The following GSTCD variants were observed in gnomAD, a reference collection of about 807,000 sequenced individuals.
GSTCD encodes the protein glutathione S-transferase C-terminal domain-containing protein.
In GSTCD, 44 loss-of-function variants were observed where a neutral mutation model predicts 68.3. That is an observed-to-expected ratio of 0.64 (90% CI 0.51 to 0.83). GSTCD has a LOEUF of 0.83. Among genes scored for constraint, GSTCD ranks in the 40% least tolerant of loss-of-function variants. The probability of loss-of-function intolerance (pLI) is 0.00; values close to 1 mark genes in which losing one functional copy is unlikely to be tolerated. For synonymous variants in GSTCD, 273 were observed against 255.2 expected, an observed-to-expected ratio of 1.07 and a Z score of -0.67; for missense variants, 739 against 735.9, an observed-to-expected ratio of 1.00 and a Z score of -0.05.
chr4:105,791,737 C>G (rs894409591), intron 5 of GSTCD, among the ~76,000 whole-genome samples: 1 of 152,022 alleles, frequency 6.6e-6, no homozygotes, highest in Non-Finnish European at 1.5e-5. Flanking sequence ...TAAAACAGTT[C>G]CTAAAACACA....
intron 3 of GSTCD, among the ~76,000 whole-genome samples, chr4:105,719,955 A>C (rs1578407597): frequency 6.6e-6 from 1 of 152,166 alleles, no homozygotes; most frequent in East Asian, 1.9e-4. Flanking sequence ...AAAAAAAAAA[A>C]CTAAAAATCT....
At chr4:105,724,175 T>C (rs1732957630) in intron 3 of GSTCD, among the ~76,000 whole-genome samples, 1 of 151,846 alleles carries the variant, frequency 6.6e-6, no homozygotes, top group Non-Finnish European at 1.5e-5. Flanking sequence ...CTGTTCATAA[T>C]CATAAGTCAT....
chr4:105,801,000 C>T (rs1385469333), intron 5 of GSTCD, among the ~76,000 whole-genome samples: 1 of 152,038 alleles, frequency 6.6e-6, no homozygotes, highest in Non-Finnish European at 1.5e-5. Flanking sequence ...ACATCACAGC[C>T]TTCTTGTACT....
At chr4:105,832,217 A>G (rs1268834551) in intron 8 of GSTCD, among the ~76,000 whole-genome samples, 1 of 152,164 alleles carries the variant, frequency 6.6e-6, no homozygotes, top group African/African-American at 2.4e-5. Context: ...CTGGTTTGAA[A>G]TACCACCTTT....
At chr4:105,820,164 A>C (rs1723216633) in intron 5 of GSTCD, among the ~76,000 whole-genome samples, 1 of 151,562 alleles carries the variant, frequency 6.6e-6, no homozygotes, top group African/African-American at 2.4e-5. Context: ...GCTTTGGATG[A>C]ACCAAAAATG....
chr4:105,709,782 T>G (rs1199558545), intron 1 of GSTCD, among the ~76,000 whole-genome samples: 2 of 152,164 alleles, frequency 1.3e-5, no homozygotes, highest in Non-Finnish European at 2.9e-5. Context: ...GGTGGTGTAT[T>G]TCTATTTTAC....
intron 5 of GSTCD, among the ~76,000 whole-genome samples, chr4:105,759,813 T>G (rs1305336896): frequency 6.6e-6 from 1 of 152,166 alleles, no homozygotes; most frequent in African/African-American, 2.4e-5. Flanking sequence ...CCATGTGGAC[T>G]TAAACAAAAA....
Position 105,710,232 on chromosome 4 carries a change from A to ATTTTTTTTTTTTT in GSTCD, c.-22+1227_-22+1239dup, listed in dbSNP as rs761574598. Reference sequence around the variant, plus strand: ...AGCTTCTGTAGTAGTGGGCCCATCAATTTTTTTTTTTTTTTTTTTTTTTGA... The same window carrying ATTTTTTTTTTTTT: ...AGCTTCTGTAGTAGTGGGCCCATCAATTTTTTTTTTTTTTTTTTTTTTTTTTTTTTTTTTTTGA... On this transcript the variant is annotated intron_variant, in intron 1 of 11. Transcript: ENST00000515279. Among the ~76,000 whole-genome samples, 6 of 85,724 alleles carry ATTTTTTTTTTTTT rather than the reference A, an allele frequency of 7.0e-5. 1 individual carries two copies. The highest frequency in any genetic ancestry group is 1.7e-4 in the African/African-American group (3 of 17,836). 56.2% of individuals were successfully genotyped at this position (85,724 alleles called of 152,430 possible). A position where few individuals can be genotyped will look rare whatever the true frequency, so the allele number is the denominator to read the frequency against.
chr4:105,811,389 G>A (rs1434873797), intron 5 of GSTCD, among the ~76,000 whole-genome samples: 1 of 151,930 alleles, frequency 6.6e-6, no homozygotes, highest in African/African-American at 2.4e-5. Flanking sequence ...TGGCGTGTTT[G>A]AAGAATAACT....
At chr4:105,755,973 C>G (rs1197658753) in intron 5 of GSTCD, among the ~76,000 whole-genome samples, 1 of 150,108 alleles carries the variant, frequency 6.7e-6, no homozygotes, top group East Asian at 1.9e-4. Flanking sequence ...GCCATGGTTC[C>G]CATGACACCC....
At chr4:105,807,378 G>A (rs1722560225) in intron 5 of GSTCD, 1 of 151,974 alleles carries the variant, frequency 6.6e-6, no homozygotes, top group Admixed American at 6.6e-5. Context: ...TACACTGCCT[G>A]TATTGAAATT....
chr4:105,812,961 G>A (rs1722813929), intron 5 of GSTCD, among the ~76,000 whole-genome samples: 1 of 152,024 alleles, frequency 6.6e-6, no homozygotes, highest in Non-Finnish European at 1.5e-5. Context: ...CAGAGAAATT[G>A]TTAGTACTAT....
intron 5 of GSTCD, among the ~76,000 whole-genome samples, chr4:105,741,233 G>A (rs886803808): frequency 3.9e-5 from 6 of 151,954 alleles, no homozygotes; most frequent in African/African-American, 1.5e-4. Context: ...AATTCTCTCA[G>A]TATGGAAGAA....
chr4:105,834,951 T>G (rs1724053482), intron 9 of GSTCD, among the ~76,000 whole-genome samples: 1 of 152,178 alleles, frequency 6.6e-6, no homozygotes, highest in African/African-American at 2.4e-5. Context: ...GACCTGGAAG[T>G]ATAGTGCCTG....
intron 5 of GSTCD, among the ~76,000 whole-genome samples, chr4:105,737,187 C>T (rs1473809070): frequency 6.6e-6 from 1 of 152,150 alleles, no homozygotes; most frequent in African/African-American, 2.4e-5. Context: ...AATGGCTGTA[C>T]TAGTTTACAT....
chr4:105,790,430 G>A (rs1276704704), intron 5 of GSTCD, among the ~76,000 whole-genome samples: 1 of 152,008 alleles, frequency 6.6e-6, no homozygotes, highest in Non-Finnish European at 1.5e-5. Context: ...CTTGAGGCCA[G>A]GAGTTCAAGA....
chr4:105,822,955 T>C lies in GSTCD; in HGVS notation c.1242T>C (p.Gly414=). 6.2e-7 allele frequency: 1 copy of C among 1,608,768 alleles called. No homozygotes were observed. The highest frequency in any genetic ancestry group is 8.5e-7 in the Non-Finnish European group (1 of 1,176,550). ...VLPAAVSPKE[G]KMSSDRALRK... ...TTCTTCATTTCTTGTCTTTCTCAGGTAAAATGTCCAGTGATCGAGCTTTGA... is the reference window on the plus strand; with the variant it reads ...TTCTTCATTTCTTGTCTTTCTCAGGCAAAATGTCCAGTGATCGAGCTTTGA... The change falls in exon 6 of 12, where the codon GGT becomes GGC. Residue 414 remains glycine, a splice_region_variant and synonymous_variant. Transcript: ENST00000515279.
At chr4:105,831,045 G>T (rs984265015) in intron 8 of GSTCD, among the ~76,000 whole-genome samples, 3 of 152,190 alleles carry the variant, frequency 2.0e-5, no homozygotes, top group Non-Finnish European at 4.4e-5. Flanking sequence ...TTGGTACACA[G>T]ATTTTCTTTC....
intron 1 of GSTCD, among the ~76,000 whole-genome samples, chr4:105,714,606 C>T (rs1296848222): frequency 6.6e-6 from 1 of 150,816 alleles, no homozygotes; most frequent in Non-Finnish European, 1.5e-5. Context: ...TATATTAGTA[C>T]ATAATAGGGA....
Sources: gnomAD v4.1 joint callset for allele counts (sites outside exome capture counted in the v4.1 genomes callset) on GRCh38, gnomAD v4.1.1 for gene constraint, MANE v1.5 for transcripts, NCBI Gene and HGNC (gene_info 2026-07-23, HGNC 2026-07-21) for gene names.